TRAIP: variants seen among roughly 807,000 people sequenced by gnomAD.
TRAIP encodes the protein E3 ubiquitin-protein ligase TRAIP.
In TRAIP, 37 loss-of-function variants were observed where a neutral mutation model predicts 65.0. The ratio of observed to expected loss-of-function variants is 0.57; its 90% confidence interval spans 0.44 to 0.75. TRAIP has a LOEUF of 0.75. TRAIP is among the 30% of genes least tolerant of loss of function. TRAIP has a pLI of 0.00. For missense variants in TRAIP, 481 were observed against 579.4 expected, an observed-to-expected ratio of 0.83 and a Z score of 1.74; for synonymous variants, 187 against 219.1, an observed-to-expected ratio of 0.85 and a Z score of 1.29.
intron 1 of TRAIP, among the ~76,000 whole-genome samples, chr3:49,849,302 G>C (rs1253230030): frequency 2.0e-5 from 3 of 151,392 alleles, no homozygotes; most frequent in Non-Finnish European, 4.4e-5. Context: ...AAGCCACTGT[G>C]CCCAATCAAA....
Position 49,829,253 on chromosome 3 carries a change from GGAGAAAGGACTGCAATGCAGGGC to G in TRAIP, c.1288-51_1288-29del, listed in dbSNP as rs539019363. On this transcript the variant is annotated intron_variant, in intron 14 of 14. Coordinates refer to ENST00000331456, the MANE Select transcript of TRAIP (RefSeq NM_005879.3). ...GGAGGAGCTGTCAAGGAAGAGGCAT[GGAGAAAGGACTGCAATGCAGGGC>G]GAGAAAGGACTGCAATGCAGGGCAA... is the stretch of plus-strand genomic sequence containing the variant. 4.4e-5 allele frequency: 71 copies of G among 1,614,192 alleles called. No homozygotes were observed. In the East Asian group the frequency reaches 8.0e-4, roughly 18 times the overall value.
intron 12 of TRAIP, 95 bp downstream of exon 12, chr3:49,829,925 T>C: frequency 6.3e-7 from 1 of 1,590,670 alleles, no homozygotes; most frequent in Non-Finnish European, 8.6e-7. Flanking sequence ...ACCTCAGTCC[T>C]GGACCAGGAG....
At chr3:49,840,506 T>A in intron 8 of TRAIP, 133 bp from the exon 9 acceptor site, 1 of 717,968 alleles carries the variant, frequency 1.4e-6, no homozygotes. Context: ...CCCAGCTCTC[T>A]GAGGCTAGGC....
At chr3:49,851,445 G>C (rs58588000) in intron 1 of TRAIP, among the ~76,000 whole-genome samples, 3,473 of 152,298 alleles carry the variant, frequency 0.023, 144 homozygotes, top group African/African-American at 0.08. Context: ...CTGGAGTGCA[G>C]CAGCACAATC....
intron 3 of TRAIP, 21 bp from the exon 4 acceptor site, chr3:49,844,601 TAA>T: frequency 1.2e-6 from 2 of 1,613,836 alleles, no homozygotes; most frequent in Non-Finnish European, 1.7e-6. Context: ...ATACCCACAA[TAA>T]GCAGCAGGAA....
chr3:49,833,809 C>T (rs115139694), intron 10 of TRAIP, among the ~76,000 whole-genome samples: 2,328 of 152,256 alleles, frequency 0.015, 61 homozygotes, highest in African/African-American at 0.052. Flanking sequence ...ATTCTTCTTC[C>T]TTCATGAGCT....
intron 10 of TRAIP, 160 bp downstream of exon 10, chr3:49,839,612 G>A: frequency 3.0e-6 from 2 of 675,900 alleles, no homozygotes; most frequent in East Asian, 2.6e-5. Context: ...TTGCTTCAAG[G>A]CTGCTTGCCA....
rs200749327 is a variant in TRAIP at position 49,844,542 on chromosome 3, T to C, written c.279A>G (p.Lys93=). ...LDNVRAQLSQ[K]DKEKRDSQVI... ...ACCCCTCGTCTCTTGCTAACTCACC[T>C]TTCTGGGAAAGCTGGGCTCTGACAT... Residue 93 remains lysine (K), a splice_region_variant and synonymous_variant, in exon 4 of 15, where the codon AAA becomes AAG. Transcript: ENST00000331456. 97 of 1,613,918 alleles carry C rather than the reference T, an allele frequency of 6.0e-5. No individual in the cohort carries two copies. The highest frequency in any genetic ancestry group is 3.2e-4 in the Admixed American group (19 of 59,996).
Position 49,839,845 on chromosome 3 carries a change from G to A in TRAIP, c.811C>T (p.Leu271=). The change falls in exon 10 of 15, where the codon CTA becomes TTA. Residue 271 remains leucine (L), a synonymous_variant. Coordinates refer to ENST00000331456, the MANE Select transcript of TRAIP (RefSeq NM_005879.3). ...DKEIMSLKKK[L]TMLQETLNLP... is the part of the protein sequence containing the mutation. ...TTCAAGGTTTCCTGCAGCATCGTTAGCTTCTTTTTCAGGCTCTTGGGGAGG... is the reference window on the plus strand; with the variant it reads ...TTCAAGGTTTCCTGCAGCATCGTTAACTTCTTTTTCAGGCTCTTGGGGAGG... The A allele has an allele frequency of 6.2e-7, 1 of 1,614,244 alleles. No individual in the cohort carries two copies. The highest frequency in any genetic ancestry group is 8.5e-7 in the Non-Finnish European group (1 of 1,180,036).
rs1473490523 is a variant in TRAIP at position 49,829,441 on chromosome 3, T to C, written c.1287+17A>G. On this transcript the variant is annotated intron_variant, in intron 14 of 14. Coordinates refer to ENST00000331456, the MANE Select transcript of TRAIP (RefSeq NM_005879.3). Reference sequence around the variant, plus strand: ...CTCCACAGTTCAGCTCAGCTCAACATCACAGGAAAAGGATACAGGCTGGAT... The same window carrying C: ...CTCCACAGTTCAGCTCAGCTCAACACCACAGGAAAAGGATACAGGCTGGAT... 6.2e-7 allele frequency: 1 copy of C among 1,614,002 alleles called. No homozygotes were observed. Among genetic ancestry groups the C allele is most frequent in the Non-Finnish European group, 8.5e-7 (1 of 1,179,996 alleles).
At chr3:49,851,254 G>A (rs368837348) in intron 1 of TRAIP, among the ~76,000 whole-genome samples, 1 of 152,296 alleles carries the variant, frequency 6.6e-6, no homozygotes, top group South Asian at 2.1e-4. Context: ...GATCACAGGC[G>A]TGAATCAACA....
chr3:49,850,220 G>A (rs1209282894), intron 1 of TRAIP, among the ~76,000 whole-genome samples: 1 of 152,046 alleles, frequency 6.6e-6, no homozygotes, highest in East Asian at 1.9e-4. Context: ...AAGTAGGCAG[G>A]CCAGGCCCAG....
chr3:49,845,469 A>G (rs1158398143), intron 3 of TRAIP, among the ~76,000 whole-genome samples: 1 of 152,228 alleles, frequency 6.6e-6, no homozygotes, highest in Non-Finnish European at 1.5e-5. Flanking sequence ...CATGTGACCA[A>G]TAGTATGGCC....
At chr3:49,856,076 G>C (rs1418998835) in intron 1 of TRAIP, among the ~76,000 whole-genome samples, 1 of 152,212 alleles carries the variant, frequency 6.6e-6, no homozygotes, top group Non-Finnish European at 1.5e-5. Context: ...CAGGCTAACG[G>C]TTTTGAAATC....
chr3:49,846,494 G>A (rs943497170), intron 3 of TRAIP, among the ~76,000 whole-genome samples: 2 of 152,144 alleles, frequency 1.3e-5, no homozygotes, highest in Non-Finnish European at 2.9e-5. Flanking sequence ...GTACAGGATG[G>A]CTGTAGGTTC....
chr3:49,843,520 G>A (rs2108316920), intron 5 of TRAIP: 1 of 338,550 alleles, frequency 3.0e-6, no homozygotes, highest in Non-Finnish European at 5.5e-6. Context: ...CCTCACTGAG[G>A]TCTTAGTTGA....
At chr3:49,854,518 T>G (rs1414822677) in intron 1 of TRAIP, among the ~76,000 whole-genome samples, 1 of 151,924 alleles carries the variant, frequency 6.6e-6, no homozygotes, top group Non-Finnish European at 1.5e-5. Context: ...CACTTATAAA[T>G]GGAAATGGGG....
intron 3 of TRAIP, among the ~76,000 whole-genome samples, chr3:49,846,448 A>T (rs2081883053): frequency 6.6e-6 from 1 of 152,106 alleles, no homozygotes; most frequent in Non-Finnish European, 1.5e-5. Flanking sequence ...AGAGTTTTCT[A>T]ATCTGTCACT....
intron 1 of TRAIP, among the ~76,000 whole-genome samples, chr3:49,849,391 C>T (rs1011015161): frequency 5.9e-5 from 9 of 151,404 alleles, no homozygotes; most frequent in African/African-American, 1.9e-4. Context: ...TTTGGGAGGC[C>T]GAGGCGGGCA....
Sources: gnomAD v4.1 joint callset for allele counts (sites outside exome capture counted in the v4.1 genomes callset) on GRCh38, gnomAD v4.1.1 for gene constraint, MANE v1.5 for transcripts, NCBI Gene and HGNC (gene_info 2026-07-23, HGNC 2026-07-21) for gene names.